CDK5RAP2: variants seen among roughly 807,000 people sequenced by gnomAD.
The protein encoded by CDK5RAP2 is CDK5 regulatory subunit-associated protein 2.
A neutral mutation model predicts 232.9 loss-of-function variants in CDK5RAP2; 147 were observed. The ratio of observed to expected loss-of-function variants is 0.63; its 90% CI spans 0.55 to 0.72. CDK5RAP2 has a LOEUF of 0.72. Ranked by LOEUF, CDK5RAP2 falls within the 30% of genes least tolerant of loss-of-function variation. The probability of loss-of-function intolerance (pLI) is 0.00; values close to 1 mark genes in which losing one functional copy is unlikely to be tolerated. For missense variants in CDK5RAP2, 2,195 were observed against 2,231.5 expected, an observed-to-expected ratio of 0.98 and a Z score of 0.33; for synonymous variants, 833 against 833.7, an observed-to-expected ratio of 1.00 and a Z score of 0.01.
chr9:120,487,000 C>T (rs542620813), intron 14 of CDK5RAP2, among the ~76,000 whole-genome samples: 7 of 152,312 alleles, frequency 4.6e-5, no homozygotes, highest in East Asian at 1.9e-4. Context: ...GGAACACTTA[C>T]GAAACACTTG....
intron 25 of CDK5RAP2, among the ~76,000 whole-genome samples, chr9:120,425,931 G>A (rs1345754688): frequency 6.6e-6 from 1 of 152,238 alleles, no homozygotes; most frequent in African/African-American, 2.4e-5. Context: ...GTGATAAGGG[G>A]CCGCAACAGA....
Position 120,401,103 on chromosome 9 carries a change from A to G in CDK5RAP2, c.5308-218T>C, listed in dbSNP as rs533902489. The G allele has an allele frequency of 9.6e-4, 539 of 564,336 alleles. 1 individual carries two copies. Among genetic ancestry groups the G allele is most frequent in the Middle Eastern group, 2.9e-3 (6 of 2,102 alleles). The allele number at this position is 564,336 out of a possible 1,614,324, so 35.0% of individuals were successfully genotyped here. A position where few individuals can be genotyped will look rare whatever the true frequency, so the allele number is the denominator to read the frequency against. ...GGTGATCTTAGCCCAATCAATAACCATGATTAATAACCACCATGGTTAATA... is the reference window on the plus strand; with the variant it reads ...GGTGATCTTAGCCCAATCAATAACCGTGATTAATAACCACCATGGTTAATA... On this transcript the variant is annotated intron_variant, in intron 34 of 37. Transcript: ENST00000349780.
rs1212092823 is a variant in CDK5RAP2 at position 120,407,246 on chromosome 9, C to G, written c.4729G>C (p.Ala1577Pro). The G allele has an allele frequency of 1.2e-6, 2 of 1,609,718 alleles. No individual in the cohort carries two copies. Among genetic ancestry groups the G allele is most frequent in the Non-Finnish European group, 8.5e-7 (1 of 1,177,960 alleles). Residue 1577 changes from alanine (A) to proline (P), a missense_variant and splice_region_variant, in exon 32 of 38, where the codon GCG becomes CCG. By Grantham distance (27) the Ala-to-Pro change is conservative. Coordinates refer to ENST00000349780, the MANE Select transcript of CDK5RAP2 (RefSeq NM_018249.6). ...LDEEHRRLRE[A>P]SGEGWKGQDP... ...TGCCCCTTCCAGCCTTCTCCCGACGCCTCTGAGGACATGTGCAAAGAGAAG... is the reference window on the plus strand; with the variant it reads ...TGCCCCTTCCAGCCTTCTCCCGACGGCTCTGAGGACATGTGCAAAGAGAAG...
chr9:120,434,782 G>C (rs1192395344), intron 25 of CDK5RAP2, among the ~76,000 whole-genome samples: 2 of 152,222 alleles, frequency 1.3e-5, no homozygotes, highest in Non-Finnish European at 1.5e-5. Context: ...GTCTGAGCAA[G>C]ATGAAGACTG....
At position 120,536,295 on chromosome 9, in the gene CDK5RAP2, A is replaced by T. The variant is rs142598096; in HGVS notation, c.662+77T>A. ...CATGGGGAGAAGGGAGGGATAAAAGAGAATAAAAGGAAACAATTCTTTCCC... is the reference window on the plus strand; with the variant it reads ...CATGGGGAGAAGGGAGGGATAAAAGTGAATAAAAGGAAACAATTCTTTCCC... On this transcript the variant is annotated intron_variant, in intron 7 of 37. Coordinates refer to ENST00000349780, the MANE Select transcript of CDK5RAP2 (RefSeq NM_018249.6). 5.3e-4 allele frequency: 805 copies of T among 1,507,192 alleles called. 3 individuals are homozygous for T. In the African/African-American group the frequency reaches 7.3e-3, roughly 14 times the overall value. The allele number at this position is 1,507,192 out of a possible 1,614,324, so 93.4% of individuals were successfully genotyped here. A position where few individuals can be genotyped will look rare whatever the true frequency, so the allele number is the denominator to read the frequency against.
chr9:120,536,435 G>C lies in CDK5RAP2; in HGVS notation c.599C>G (p.Ser200Ter). Residue 200 changes from serine (S) to a stop codon, truncating the protein, a stop_gained, in exon 7 of 38, where the codon TCA (serine) becomes TGA (stop). Transcript: ENST00000349780. LOFTEE classifies it high-confidence loss of function. ...ALRLRLESKL[S>*]EMKKMHEGDL... ...CCCCTCGTGCATCTTCTTCATCTCT[G>C]AAAGCTTGCTTTCCAAACGCAACCG... 1.2e-6 allele frequency: 2 copies of C among 1,614,148 alleles called. No individual in the cohort carries two copies. The highest frequency in any genetic ancestry group is 1.7e-6 in the Non-Finnish European group (2 of 1,180,018).
At chr9:120,408,134 G>C in intron 31 of CDK5RAP2, 1 of 608,678 alleles carries the variant, frequency 1.6e-6, no homozygotes, top group South Asian at 1.8e-5. Flanking sequence ...CCGGACCTCG[G>C]CTGGCCTGGG....
At chr9:120,405,519 G>C (rs977612209) in intron 32 of CDK5RAP2, among the ~76,000 whole-genome samples, 2 of 152,270 alleles carry the variant, frequency 1.3e-5, no homozygotes, top group South Asian at 2.1e-4. Flanking sequence ...TACCCCACAA[G>C]TTCCTGAATC....
chr9:120,487,498 G>A, intron 13 of CDK5RAP2, 61 bp from the exon 14 acceptor site: 1 of 1,284,980 alleles, frequency 7.8e-7, no homozygotes, highest in South Asian at 1.3e-5. Flanking sequence ...TTAAGAAACT[G>A]TCCCAAACTC....
intron 12 of CDK5RAP2, among the ~76,000 whole-genome samples, chr9:120,516,481 C>T (rs1159678585): frequency 6.6e-6 from 1 of 151,846 alleles, no homozygotes; most frequent in Non-Finnish European, 1.5e-5. Context: ...CAAACCTGCA[C>T]ATTGTGCACA....
intron 29 of CDK5RAP2, among the ~76,000 whole-genome samples, chr9:120,410,847 T>C (rs2033803100): frequency 6.6e-6 from 1 of 152,224 alleles, no homozygotes; most frequent in African/African-American, 2.4e-5. Context: ...CCCAGAACTG[T>C]TTTCAGTAGT....
At chr9:120,395,889 C>T (rs951076466) in intron 35 of CDK5RAP2, among the ~76,000 whole-genome samples, 1 of 152,192 alleles carries the variant, frequency 6.6e-6, no homozygotes, top group Non-Finnish European at 1.5e-5. Flanking sequence ...GTGGGAGGAA[C>T]ACAGTCTAGA....
intron 13 of CDK5RAP2, among the ~76,000 whole-genome samples, chr9:120,490,099 G>A (rs1172084680): frequency 6.6e-6 from 1 of 152,146 alleles, no homozygotes; most frequent in Non-Finnish European, 1.5e-5. Context: ...GAGCCACCAC[G>A]CCAGGCCATC....
chr9:120,404,332 G>A (rs994875913), intron 32 of CDK5RAP2, among the ~76,000 whole-genome samples: 1 of 152,194 alleles, frequency 6.6e-6, no homozygotes, highest in African/African-American at 2.4e-5. Context: ...AAAACTCTCA[G>A]CAGAAAAGTA....
chr9:120,479,716 T>C (rs1255500768), intron 14 of CDK5RAP2, among the ~76,000 whole-genome samples: 1 of 152,196 alleles, frequency 6.6e-6, no homozygotes, highest in Admixed American at 6.5e-5. Flanking sequence ...CAAGGAAAGA[T>C]TTTAGAACTG....
chr9:120,568,936 A>G (rs1158938655), intron 2 of CDK5RAP2, among the ~76,000 whole-genome samples: 1 of 152,242 alleles, frequency 6.6e-6, no homozygotes, highest in Non-Finnish European at 1.5e-5. Flanking sequence ...TTCAAAAGCA[A>G]GCAGTGGACC....
intron 2 of CDK5RAP2, among the ~76,000 whole-genome samples, chr9:120,570,241 T>C (rs2042804072): frequency 6.6e-6 from 1 of 152,176 alleles, no homozygotes; most frequent in Non-Finnish European, 1.5e-5. Context: ...AAACGGGCCA[T>C]GCCCTCACCT....
At chr9:120,413,370 T>A (rs1202466040) in intron 28 of CDK5RAP2, among the ~76,000 whole-genome samples, 1 of 152,226 alleles carries the variant, frequency 6.6e-6, no homozygotes, top group Non-Finnish European at 1.5e-5. Flanking sequence ...CACCTCGATA[T>A]TGTAAGAAGC....
At chr9:120,432,363 T>G (rs1290187260) in intron 25 of CDK5RAP2, among the ~76,000 whole-genome samples, 3 of 152,254 alleles carry the variant, frequency 2.0e-5, no homozygotes, top group African/African-American at 7.2e-5. Context: ...CTTTGTTGTG[T>G]GATGCAACTA....
Sources: allele counts gnomAD v4.1 joint callset (sites outside exome capture counted in the v4.1 genomes callset), GRCh38; gene constraint gnomAD v4.1.1; transcripts MANE v1.5; gene names NCBI Gene and HGNC (gene_info 2026-07-23, HGNC 2026-07-21).